SGCD: variants seen among roughly 807,000 people sequenced by gnomAD.
SGCD encodes the protein sarcoglycan delta.
Under a neutral mutation model 36.6 loss-of-function variants are expected in SGCD, and 18 were observed. The ratio of observed to expected loss-of-function variants is 0.49; its 90% CI spans 0.34 to 0.73. SGCD has a LOEUF of 0.73. Among genes scored for constraint, SGCD ranks in the 30% least tolerant of loss-of-function variants. The probability of loss-of-function intolerance (pLI) is 0.01; values close to 1 mark genes in which losing one functional copy is unlikely to be tolerated. For missense variants in SGCD, 387 were observed against 346.7 expected (o/e 1.12, Z -0.92); for synonymous variants, 133 against 130.6 (o/e 1.02, Z -0.12).
chr5:156,350,247 TTATA>T lies in SGCD; in HGVS notation c.192+5584_192+5587del, dbSNP rs59107352. Reference sequence around the variant, plus strand: ...CTCTAAAGCTATTGAGGAAAAAAAATTATATATATATATATATGTACACACACAC... The same window carrying T: ...CTCTAAAGCTATTGAGGAAAAAAAATTATATATATATATGTACACACACAC... On this transcript the variant is annotated intron_variant, in intron 3 of 8. Coordinates refer to ENST00000337851, the MANE Select transcript of SGCD (RefSeq NM_000337.6). Among the ~76,000 whole-genome samples, 377 of 95,862 alleles carry T rather than the reference TTATA, an allele frequency of 3.9e-3. 35 individuals carry two copies. Among genetic ancestry groups the T allele is most frequent in the Non-Finnish European group, 5.8e-3 (239 of 41,562 alleles). The allele number at this position is 95,862 out of a possible 152,430, so 62.9% of individuals were successfully genotyped here.
At chr5:156,678,530 G>A (rs970522049) in intron 7 of SGCD, among the ~76,000 whole-genome samples, 6 of 152,184 alleles carry the variant, frequency 3.9e-5, no homozygotes, top group Non-Finnish European at 7.3e-5. Flanking sequence ...TCATCCAGAA[G>A]TGAAATTCTC....
the SGCD span, among the ~76,000 whole-genome samples, chr5:155,776,251 G>C: frequency 3.9e-5 from 6 of 152,024 alleles, no homozygotes; most frequent in Admixed American, 3.3e-4. Flanking sequence ...AGTTCCTTAG[G>C]GGGACTCAGT....
intron 6 of SGCD, among the ~76,000 whole-genome samples, chr5:156,627,095 T>C (rs1762466564): frequency 6.6e-6 from 1 of 152,226 alleles, no homozygotes; most frequent in African/African-American, 2.4e-5. Flanking sequence ...TCAATTGCCC[T>C]GTGGGAGAAT....
At chr5:155,978,103 TAA>T (rs912980352) in intron 1 of SGCD, among the ~76,000 whole-genome samples, 1 of 151,546 alleles carries the variant, frequency 6.6e-6, no homozygotes, top group Non-Finnish European at 1.5e-5. Flanking sequence ...AAAAATAAAA[TAA>T]AATAAAATAA....
intron 6 of SGCD, among the ~76,000 whole-genome samples, chr5:156,644,575 T>G (rs1763159645): frequency 6.6e-6 from 1 of 152,230 alleles, no homozygotes; most frequent in East Asian, 1.9e-4. Context: ...GAGAAAATGT[T>G]TCGCAATTTC....
chr5:156,411,931 C>A (rs978334726), intron 3 of SGCD, among the ~76,000 whole-genome samples: 3 of 152,130 alleles, frequency 2.0e-5, no homozygotes, highest in Non-Finnish European at 4.4e-5. Flanking sequence ...TCCTACCTGA[C>A]AGCCAGAAAG....
At chr5:155,985,337 G>A (rs893969307) in intron 1 of SGCD, among the ~76,000 whole-genome samples, 14 of 152,062 alleles carry the variant, frequency 9.2e-5, no homozygotes, top group African/African-American at 2.9e-4. Flanking sequence ...CAGGGTGTGC[G>A]CTCAGCTCTC....
chr5:156,582,147 G>T (rs1490050254), intron 4 of SGCD, among the ~76,000 whole-genome samples: 1 of 152,128 alleles, frequency 6.6e-6, no homozygotes, highest in Admixed American at 6.5e-5. Context: ...ACTGGAAAAT[G>T]CTAGCAAGAA....
chr5:156,732,569 C>CTATCT (rs1756135415), intron 7 of SGCD, among the ~76,000 whole-genome samples: 1 of 151,548 alleles, frequency 6.6e-6, no homozygotes, highest in Non-Finnish European at 1.5e-5. Context: ...CTGTTTTTTT[C>CTATCT]TATCTTTGCC....
chr5:156,046,514 A>G (rs1427149382), intron 1 of SGCD, among the ~76,000 whole-genome samples: 1 of 152,150 alleles, frequency 6.6e-6, no homozygotes, highest in Non-Finnish European at 1.5e-5. Context: ...TCTGGGTCAC[A>G]TTTTAGTAAT....
chr5:156,269,095 G>A (rs894052363), intron 3 of SGCD, among the ~76,000 whole-genome samples: 2 of 151,988 alleles, frequency 1.3e-5, no homozygotes, highest in Non-Finnish European at 2.9e-5. Context: ...GCATCATGTC[G>A]GGAGGTAAAA....
the SGCD span, among the ~76,000 whole-genome samples, chr5:155,780,149 G>C: frequency 1.3e-5 from 2 of 152,054 alleles, no homozygotes; most frequent in East Asian, 3.9e-4. Flanking sequence ...ACAAATTCTG[G>C]ATTATCTGTT....
chr5:155,878,277 A>C (rs145538260), intron 1 of SGCD, among the ~76,000 whole-genome samples: 2 of 152,114 alleles, frequency 1.3e-5, no homozygotes, highest in African/African-American at 4.8e-5. Context: ...AGTGGCTTGA[A>C]TCATAGACTT....
At chr5:156,611,475 T>G (rs73299175) in intron 6 of SGCD, among the ~76,000 whole-genome samples, 4,737 of 152,338 alleles carry the variant, frequency 0.031, 254 homozygotes, top group African/African-American at 0.11. Flanking sequence ...AGAAATTTGC[T>G]TGTAGTCTAT....
chr5:156,253,640 T>A (rs1765639533), intron 3 of SGCD, among the ~76,000 whole-genome samples: 1 of 152,048 alleles, frequency 6.6e-6, no homozygotes, highest in Non-Finnish European at 1.5e-5. Context: ...TAACAACGAG[T>A]ATATTAATAC....
intron 1 of SGCD, among the ~76,000 whole-genome samples, chr5:155,902,474 A>G (rs141663307): frequency 0.019 from 2,852 of 152,178 alleles, 44 homozygotes; most frequent in South Asian, 0.032. Context: ...TTATAACTGA[A>G]GAAGCACAGG....
chr5:156,108,151 T>G (rs891771140), intron 1 of SGCD, among the ~76,000 whole-genome samples: 3 of 152,150 alleles, frequency 2.0e-5, no homozygotes, highest in African/African-American at 7.2e-5. Context: ...ACTACCAATT[T>G]TTATGCCAGA....
chr5:156,315,559 T>C (rs914522521), intron 3 of SGCD, among the ~76,000 whole-genome samples: 1 of 152,120 alleles, frequency 6.6e-6, no homozygotes, highest in South Asian at 2.1e-4. Flanking sequence ...TGATTTTTCC[T>C]TTGGATGTAT....
chr5:156,391,847 T>C (rs62380726), intron 3 of SGCD, among the ~76,000 whole-genome samples: 25,313 of 152,204 alleles, frequency 0.17, 2,217 homozygotes, highest in Middle Eastern at 0.26. Context: ...TCTTTTTTGT[T>C]GAAATGTTCT....
Sources: gnomAD v4.1 joint callset for allele counts (sites outside exome capture counted in the v4.1 genomes callset) on GRCh38, gnomAD v4.1.1 for gene constraint, MANE v1.5 for transcripts, NCBI Gene and HGNC (gene_info 2026-07-23, HGNC 2026-07-21) for gene names.